LRRK2: variants seen among roughly 807,000 people sequenced by gnomAD.
LRRK2 encodes the protein leucine rich repeat kinase 2.
In LRRK2, 203 loss-of-function variants were observed where a neutral mutation model predicts 302.6. That is an observed-to-expected ratio of 0.67 (90% CI 0.60 to 0.75). The LOEUF (loss-of-function observed/expected upper bound fraction) is 0.75, where lower values mean the gene tolerates loss of function less well. Ranked by LOEUF, LRRK2 falls within the 30% of genes least tolerant of loss-of-function variation. The pLI is 0.00. For missense variants in LRRK2, 2,830 were observed against 2,951.0 expected, an observed-to-expected ratio of 0.96 and a Z score of 0.95; for synonymous variants, 1,066 against 1,031.9, an observed-to-expected ratio of 1.03 and a Z score of -0.63.
At chr12:40,335,431 A>G (rs1231365510) in intron 40 of LRRK2, among the ~76,000 whole-genome samples, 2 of 152,244 alleles carry the variant, frequency 1.3e-5, no homozygotes, top group African/African-American at 2.4e-5. Context: ...TCTGCCTTCT[A>G]TAAAAATGTA....
At chr12:40,327,752 A>T (rs1283651581) in intron 38 of LRRK2, among the ~76,000 whole-genome samples, 1 of 152,164 alleles carries the variant, frequency 6.6e-6, no homozygotes, top group African/African-American at 2.4e-5. Flanking sequence ...GAGGCCACCA[A>T]ATGGGTGTGG....
chr12:40,364,880 A>G lies in LRRK2; in HGVS notation c.7220A>G (p.Lys2407Arg), dbSNP rs1946829553. The stretch of plus-strand genomic sequence containing the variant: ...AAAGAAAACAAGGAATCAAAACACA[A>G]AATGTCTTATTCTGGGAGAGTGAAA... ...MVKENKESKH[K>R]MSYSGRVKTL... is the part of the protein sequence containing the mutation. The change falls in exon 49 of 51, where the codon AAA becomes AGA. Residue 2407 changes from lysine (K) to arginine (R), a missense_variant. This residue lies in a region of LRRK2 where 456 missense variants were observed against 456.3 expected (regional missense o/e 1.00). Coordinates refer to ENST00000298910, the MANE Select transcript of LRRK2 (RefSeq NM_198578.4). The G allele has an allele frequency of 6.2e-7, 1 of 1,612,266 alleles. No individual in the cohort carries two copies. Among genetic ancestry groups the G allele is most frequent in the African/African-American group, 1.3e-5 (1 of 74,818 alleles).
chr12:40,253,045 A>C, intron 11 of LRRK2, 29 bp downstream of exon 11: 1 of 1,400,450 alleles, frequency 7.1e-7, no homozygotes, highest in South Asian at 1.2e-5. Context: ...TTTCAAATAA[A>C]GGGAAACACA....
intron 20 of LRRK2, among the ~76,000 whole-genome samples, chr12:40,292,226 C>T (rs1403161905): frequency 6.6e-6 from 1 of 151,998 alleles, no homozygotes; most frequent in Non-Finnish European, 1.5e-5. Flanking sequence ...TCATAGGGCT[C>T]ACATAATTTG....
At chr12:40,298,927 A>ACTATATATAATACTTATTAT (rs1565727388) in intron 24 of LRRK2, among the ~76,000 whole-genome samples, 182 bp from the exon 25 acceptor site, 2 of 129,258 alleles carry the variant, frequency 1.5e-5, no homozygotes, top group South Asian at 2.4e-4. Flanking sequence ...TTATATATAT[A>ACTATATATAATACTTATTAT]ATAAAAGACC....
At chr12:40,253,565 A>T (rs1942375247) in intron 11 of LRRK2, among the ~76,000 whole-genome samples, 1 of 152,106 alleles carries the variant, frequency 6.6e-6, no homozygotes, top group Non-Finnish European at 1.5e-5. Context: ...TTTTGCAGAG[A>T]TGGTGTTTTG....
At chr12:40,265,180 G>C (rs1357263242) in intron 14 of LRRK2, among the ~76,000 whole-genome samples, 1 of 152,062 alleles carries the variant, frequency 6.6e-6, no homozygotes, top group Non-Finnish European at 1.5e-5. Context: ...GTTGTAATGG[G>C]TTAAATTTAT....
Position 40,237,979 on chromosome 12 carries a change from C to G in LRRK2, c.447C>G (p.Thr149=), listed in dbSNP as rs1941546681. The part of the protein sequence containing the change: ...LDLLLTSGKI[T]LLILDEESDI... The stretch of plus-strand genomic sequence containing the variant: ...TTCTCTTTAAAATAGGTAAAATCAC[C>G]TTGCTGATATTGGATGAAGAAAGTG... The change falls in exon 5 of 51, where the codon ACC becomes ACG. Residue 149 remains threonine (T), a synonymous_variant. Coordinates refer to ENST00000298910, the MANE Select transcript of LRRK2 (RefSeq NM_198578.4). 3 of 1,611,190 alleles carry G rather than the reference C, an allele frequency of 1.9e-6. No homozygotes were observed. Among genetic ancestry groups the G allele is most frequent in the South Asian group, 2.2e-5 (2 of 91,032 alleles).
At chr12:40,332,600 C>T (rs1248900346) in intron 39 of LRRK2, among the ~76,000 whole-genome samples, 1 of 152,058 alleles carries the variant, frequency 6.6e-6, no homozygotes, top group African/African-American at 2.4e-5. Context: ...TTTAAGTACT[C>T]TGAGTAATAG....
intron 47 of LRRK2, among the ~76,000 whole-genome samples, chr12:40,359,675 A>G (rs1946647083): frequency 1.3e-5 from 2 of 152,090 alleles, no homozygotes; most frequent in African/African-American, 4.8e-5. Flanking sequence ...AAATATGTAA[A>G]CTCATTGTAA....
rs1942669543 is a variant in LRRK2, at chr12:40,259,382, A to G, written c.1419-98A>G. On this transcript the variant is annotated intron_variant, in intron 12 of 50. Transcript: ENST00000298910. The stretch of plus-strand genomic sequence containing the variant: ...TTTTCATATAGTCTTTCCTGATAAA[A>G]TATATTGGTTCTGCCCTCCTGTACT... 5.6e-6 allele frequency: 8 copies of G among 1,437,944 alleles called. No homozygotes were observed. In the South Asian group the frequency reaches 9.2e-5, roughly 17 times the overall value. 89.1% of individuals were successfully genotyped at this position (1,437,944 alleles called of 1,614,324 possible).
chr12:40,311,398 G>C (rs1026005062), intron 31 of LRRK2, among the ~76,000 whole-genome samples: 1 of 152,088 alleles, frequency 6.6e-6, no homozygotes, highest in African/African-American at 2.4e-5. Flanking sequence ...GGGTACTACA[G>C]GGAGTGTGGT....
intron 19 of LRRK2, among the ~76,000 whole-genome samples, chr12:40,284,342 T>C (rs1437789586): frequency 6.6e-6 from 1 of 151,280 alleles, no homozygotes; most frequent in Non-Finnish European, 1.5e-5. Context: ...TTTATAAAAA[T>C]AGAGCAAAAT....
In LRRK2 at chr12:40,314,034, C is replaced by G. The variant is rs767288708; in HGVS notation, c.4599C>G (p.Ile1533Met). 1.9e-6 allele frequency: 3 copies of G among 1,612,268 alleles called. No homozygotes were observed. The highest frequency in any genetic ancestry group is 1.3e-5 in the African/African-American group (1 of 74,784). The change falls in exon 32 of 51, where the codon ATC becomes ATG. Residue 1533 changes from isoleucine (I) to methionine (M), a missense_variant. By Grantham distance (10) the Ile-to-Met change is conservative (BLOSUM62 1). Coordinates refer to ENST00000298910, the MANE Select transcript of LRRK2 (RefSeq NM_198578.4). ...IPDCYVELEK[I>M]ILSERKNVPI... The stretch of plus-strand genomic sequence containing the variant: ...ACTGCTATGTAGAACTTGAAAAAAT[C>G]ATTTTATCGGAGCGTAAAAATGTGC...
At chr12:40,257,129 T>A in intron 11 of LRRK2, 119 bp from the exon 12 acceptor site, 1 of 721,812 alleles carries the variant, frequency 1.4e-6, no homozygotes, top group Non-Finnish European at 2.3e-6. Flanking sequence ...AACTATAAAT[T>A]ATGTGTGCTC....
intron 2 of LRRK2, among the ~76,000 whole-genome samples, chr12:40,230,790 C>G (rs150453719): frequency 4.0e-5 from 6 of 151,510 alleles, no homozygotes; most frequent in African/African-American, 1.5e-4. Flanking sequence ...ATTTTCATCT[C>G]CGGTTTGAAA....
chr12:40,284,635 C>A (rs977078371), intron 19 of LRRK2, among the ~76,000 whole-genome samples: 2 of 152,048 alleles, frequency 1.3e-5, no homozygotes, highest in Non-Finnish European at 2.9e-5. Context: ...TTTATACTTT[C>A]AAGCTCATGT....
At position 40,251,373 on chromosome 12, in the gene LRRK2, A is replaced by G; in HGVS notation, c.1100A>G (p.Gln367Arg). Residue 367 changes from glutamine to arginine, a missense_variant and splice_region_variant, in exon 9 of 51, where the codon CAG (glutamine) becomes CGG (arginine). Coordinates refer to ENST00000298910, the MANE Select transcript of LRRK2 (RefSeq NM_198578.4). ...TGGCATAGAAAGAACAAGCACGTGC[A>G]GGTAGGACTCTCATAAATATTAGAG... ...LTWHRKNKHV[Q>R]EAACWALNNL... 1 of 1,613,988 alleles carries G rather than the reference A, an allele frequency of 6.2e-7. No individual in the cohort carries two copies. Among genetic ancestry groups the G allele is most frequent in the Non-Finnish European group, 8.5e-7 (1 of 1,179,902 alleles).
At position 40,225,111 on chromosome 12, in the gene LRRK2, G is replaced by A. The variant is rs41286470; in HGVS notation, c.-21G>A. 49 of 1,613,076 alleles carry A rather than the reference G, an allele frequency of 3.0e-5. No individual in the cohort carries two copies. The highest frequency in any genetic ancestry group is 4.1e-5 in the Non-Finnish European group (48 of 1,179,968). On this transcript the variant is annotated 5_prime_UTR_variant, in exon 1 of 51. Transcript: ENST00000298910. ...CGGACGTTCATGCTGGGAGGGCGGC[G>A]GGTTGGAAGCAGGTGCCACCATGGC...
Sources: allele counts gnomAD v4.1 joint callset (sites outside exome capture counted in the v4.1 genomes callset), GRCh38; gene constraint gnomAD v4.1.1; regional missense constraint gnomAD v4.1.1; transcripts MANE v1.5; gene names NCBI Gene and HGNC (gene_info 2026-07-23, HGNC 2026-07-21).